Variants in TTC7A observed in about 807,000 individuals in gnomAD.
The protein encoded by TTC7A is tetratricopeptide repeat domain 7A, also known as tetratricopeptide repeat protein 7A.
Under a neutral mutation model 103.7 loss-of-function variants are expected in TTC7A, and 110 were observed. The ratio of observed to expected loss-of-function variants is 1.06; its 90% confidence interval spans 0.91 to 1.24. The LOEUF (loss-of-function observed/expected upper bound fraction) is 1.24. Ranked by LOEUF, TTC7A falls within the 50% of genes most tolerant of loss-of-function variation. TTC7A has a pLI of 0.00. For synonymous variants in TTC7A, 521 were observed against 467.9 expected (o/e 1.11, Z -1.47); for missense variants, 1,340 against 1,116.3 (o/e 1.20, Z -2.86).
intron 19 of TTC7A, among the ~76,000 whole-genome samples, chr2:47,067,082 C>T (rs1684239406): frequency 6.6e-6 from 1 of 152,202 alleles, no homozygotes; most frequent in Non-Finnish European, 1.5e-5. Context: ...AGCATCAATC[C>T]ATTCAGGAGG....
chr2:47,074,088 G>A lies in TTC7A; in HGVS notation c.*165G>A. 1.6e-6 allele frequency: 1 copy of A among 612,196 alleles called. No individual in the cohort carries two copies. The highest frequency in any genetic ancestry group is 2.0e-5 in the South Asian group (1 of 50,604). The allele number at this position is 612,196 out of a possible 1,614,324, so 37.9% of individuals were successfully genotyped here. On this transcript the variant is annotated 3_prime_UTR_variant, in exon 20 of 20. Coordinates refer to ENST00000319190, the MANE Select transcript of TTC7A (RefSeq NM_020458.4). ...CCTCGTTCTCTTGGCTGGGCCAAGAGGGCCTTCCTGGATTTCTTTGTTGGT... is the reference window on the plus strand; with the variant it reads ...CCTCGTTCTCTTGGCTGGGCCAAGAAGGCCTTCCTGGATTTCTTTGTTGGT...
At chr2:46,991,437 C>T (rs902888789) in intron 5 of TTC7A, among the ~76,000 whole-genome samples, 3 of 151,988 alleles carry the variant, frequency 2.0e-5, no homozygotes, top group Non-Finnish European at 4.4e-5. Context: ...AGTTCGAGAC[C>T]AGGCTGGGCA....
chr2:47,010,851 C>T (rs1463491611), intron 10 of TTC7A, among the ~76,000 whole-genome samples: 1 of 152,168 alleles, frequency 6.6e-6, no homozygotes, highest in Non-Finnish European at 1.5e-5. Flanking sequence ...GGACACACGC[C>T]TCCACACCTG....
chr2:46,941,461 G>A lies in TTC7A; in HGVS notation c.-81G>A. ...CTGCGCCCCCGTCGACCCCGCCCGCGAGTGCGCCCCAGCCAGGACGCCGCC... is the reference window on the plus strand; with the variant it reads ...CTGCGCCCCCGTCGACCCCGCCCGCAAGTGCGCCCCAGCCAGGACGCCGCC... On this transcript the variant is annotated 5_prime_UTR_variant, in exon 1 of 20. Transcript: ENST00000319190. This position sits in a 1 kb window ranked among gnomAD's most constrained non-coding sequence, Gnocchi z 4.2. The A allele has an allele frequency of 7.0e-7, 1 of 1,432,768 alleles. No homozygotes were observed. 88.8% of individuals were successfully genotyped at this position (1,432,768 alleles called of 1,614,324 possible). A position where few individuals can be genotyped will look rare whatever the true frequency, so the allele number is the denominator to read the frequency against.
At chr2:47,047,381 C>A (rs768360969) in intron 16 of TTC7A, 32 of 1,319,552 alleles carry the variant, frequency 2.4e-5, no homozygotes, top group Non-Finnish European at 3.3e-5. Context: ...TCAGCCCTCA[C>A]TTTTCAGGCC....
intron 3 of TTC7A, among the ~76,000 whole-genome samples, chr2:46,974,225 C>A (rs376979742): frequency 2.6e-5 from 4 of 152,234 alleles, no homozygotes; most frequent in East Asian, 3.8e-4. Flanking sequence ...TTAAAGATAA[C>A]CACTTCAGTT....
chr2:46,922,297 A>C (rs1239127721), intron 2 of TTC7A, among the ~76,000 whole-genome samples: 1 of 152,044 alleles, frequency 6.6e-6, no homozygotes, highest in African/African-American at 2.4e-5. Flanking sequence ...TATTTCCTTG[A>C]GCGTTTTTAT....
chr2:47,053,543 T>TTGGTTGGTTGGTTGGTTGG (rs56072760), intron 18 of TTC7A, among the ~76,000 whole-genome samples: 55 of 140,138 alleles, frequency 3.9e-4, no homozygotes, highest in Non-Finnish European at 7.2e-4. Flanking sequence ...TGTTTGTTTG[T>TTGGTTGGTTGGTTGGTTGG]TTGGTTGGTT....
chr2:47,029,293 C>T lies in TTC7A; in HGVS notation c.1711C>T (p.Leu571=), dbSNP rs1174719095. 1.9e-6 allele frequency: 3 copies of T among 1,613,970 alleles called. No individual in the cohort carries two copies. The African/African-American group carries it at 4.0e-5, about 22-fold the overall frequency. ...CAAGGATGATGCCCACGCCCTCCAC[C>T]TGCTGGCACTGCTCTTCTCTGCCCA... ...VRKDDAHALH[L]LALLFSAQKH... The change falls in exon 15 of 20, where the codon CTG becomes TTG. Residue 571 remains leucine (L), a synonymous_variant. Coordinates refer to ENST00000319190, the MANE Select transcript of TTC7A (RefSeq NM_020458.4).
intron 3 of TTC7A, among the ~76,000 whole-genome samples, chr2:46,970,354 G>A (rs899131731): frequency 3.9e-5 from 6 of 152,192 alleles, no homozygotes; most frequent in South Asian, 2.1e-4. Flanking sequence ...AGGCCCCTGC[G>A]GGGAGTGGAA....
At chr2:46,961,315 G>A (rs989638269) in intron 3 of TTC7A, among the ~76,000 whole-genome samples, 110 of 152,166 alleles carry the variant, frequency 7.2e-4, no homozygotes, top group Non-Finnish European at 1.6e-4. Flanking sequence ...GGTGGCTCAC[G>A]CCTGTAATCC....
intron 15 of TTC7A, 63 bp from the exon 16 acceptor site, chr2:47,046,252 G>A: frequency 1.5e-6 from 2 of 1,336,780 alleles, no homozygotes; most frequent in Non-Finnish European, 2.1e-6. Context: ...TGGTGGGGCA[G>A]GATCCCCAGG....
At chr2:46,978,351 T>C (rs1296722649) in intron 4 of TTC7A, 3 of 154,758 alleles carry the variant, frequency 1.9e-5, no homozygotes, top group Non-Finnish European at 2.9e-5. Context: ...ACCGGTGAAA[T>C]AGAAATGATG....
chr2:46,990,922 G>C (rs928453370), intron 5 of TTC7A, among the ~76,000 whole-genome samples: 9 of 152,006 alleles, frequency 5.9e-5, no homozygotes, highest in African/African-American at 2.2e-4. Context: ...TGGTTGGTTG[G>C]TTTGTTTTGA....
chr2:46,945,950 C>A (rs1572687260), intron 1 of TTC7A, among the ~76,000 whole-genome samples: 1 of 152,182 alleles, frequency 6.6e-6, no homozygotes, highest in East Asian at 1.9e-4. Context: ...TGGTCTGAAT[C>A]CTGGCCTGGC....
intron 5 of TTC7A, among the ~76,000 whole-genome samples, chr2:46,981,231 T>TA (rs1243325109): frequency 4.5e-5 from 3 of 66,140 alleles, no homozygotes; most frequent in Admixed American, 1.7e-4. Flanking sequence ...CACAGATGTA[T>TA]TTTTTTTTTT....
chr2:47,003,840 C>T (rs1296761343), intron 8 of TTC7A, among the ~76,000 whole-genome samples: 3 of 152,224 alleles, frequency 2.0e-5, no homozygotes, highest in Non-Finnish European at 4.4e-5. Flanking sequence ...CCCTGTGGGT[C>T]CCCACCCTGG....
chr2:47,036,785 G>T (rs537557942), intron 15 of TTC7A, among the ~76,000 whole-genome samples: 1 of 152,336 alleles, frequency 6.6e-6, no homozygotes, highest in East Asian at 1.9e-4. Context: ...TTGAGCCTAG[G>T]AAGTTCAGGC....
At chr2:47,022,221 C>G (rs1247244210) in intron 12 of TTC7A, among the ~76,000 whole-genome samples, 2 of 152,340 alleles carry the variant, frequency 1.3e-5, no homozygotes, top group African/African-American at 2.4e-5. Context: ...GCCTTCCTCT[C>G]CCCTCTTCAT....
Sources: allele counts gnomAD v4.1 joint callset (sites outside exome capture counted in the v4.1 genomes callset), GRCh38; gene constraint gnomAD v4.1.1; non-coding constraint Gnocchi (gnomAD v3.1); transcripts MANE v1.5; gene names NCBI Gene and HGNC (gene_info 2026-07-23, HGNC 2026-07-21).